Variants in RBFOX1 observed in about 807,000 individuals in gnomAD.
The protein encoded by RBFOX1 is RNA binding protein fox-1 homolog 1.
RBFOX1 carries 8 observed loss-of-function variants against 57.7 expected under a neutral mutation model. The ratio of observed to expected loss-of-function variants is 0.14; its 90% confidence interval spans 0.08 to 0.25. The LOEUF (loss-of-function observed/expected upper bound fraction) is 0.25. Ranked by LOEUF, RBFOX1 falls within the 10% of genes least tolerant of loss-of-function variation. RBFOX1 has a pLI of 1.00. For synonymous variants in RBFOX1, 326 were observed against 222.4 expected, an observed-to-expected ratio of 1.47 and a Z score of -4.15; for missense variants, 611 against 548.5, an observed-to-expected ratio of 1.11 and a Z score of -1.14.
intron 13 of RBFOX1, chr16:7,671,531 A>G: frequency 6.3e-7 from 1 of 1,586,248 alleles, no homozygotes; most frequent in South Asian, 1.1e-5. Context: ...TTGCATTGAA[A>G]ACATTACATT....
chr16:7,279,910 G>A (rs999678423), intron 4 of RBFOX1, among the ~76,000 whole-genome samples: 6 of 152,170 alleles, frequency 3.9e-5, no homozygotes, highest in South Asian at 2.1e-4. Flanking sequence ...TTATGGTCCT[G>A]ATCAGGTATG....
rs1371298895 is a variant in RBFOX1, at chr16:7,346,448, C to T, written c.28-171699C>T. On this transcript the variant is annotated intron_variant, in intron 4 of 15. Coordinates refer to ENST00000550418, the MANE Select transcript of RBFOX1 (RefSeq NM_018723.4). ...CCTTCCTGGGAATGGACACGACACG[C>T]GTTTGATAATGTCTCTGCTTTCTGG... 3.3e-5 allele frequency among the ~76,000 whole-genome samples: 5 copies of T among 152,096 alleles called. No homozygotes were observed. In the South Asian group the frequency reaches 6.2e-4, roughly 19 times the overall value.
At chr16:6,786,971 C>T (rs74007040) in intron 3 of RBFOX1, among the ~76,000 whole-genome samples, 22,400 of 152,004 alleles carry the variant, frequency 0.15, 2,287 homozygotes, top group African/African-American at 0.29. Context: ...CCATGTCTCC[C>T]TCTGCACAGG....
chr16:6,022,363 A>G (rs1384731938), intron 1 of RBFOX1, among the ~76,000 whole-genome samples: 1 of 152,070 alleles, frequency 6.6e-6, no homozygotes, highest in Non-Finnish European at 1.5e-5. Flanking sequence ...TGGGATTCAC[A>G]CATTGCAATT....
At chr16:6,963,348 G>A (rs190095507) in intron 3 of RBFOX1, among the ~76,000 whole-genome samples, 4 of 152,086 alleles carry the variant, frequency 2.6e-5, no homozygotes, top group Admixed American at 2.6e-4. Flanking sequence ...TGAGATAATG[G>A]GAATGAAATC....
intron 4 of RBFOX1, among the ~76,000 whole-genome samples, chr16:7,185,911 C>G (rs182305424): frequency 2.0e-5 from 3 of 152,176 alleles, no homozygotes; most frequent in Non-Finnish European, 4.4e-5. Flanking sequence ...TGATACAATT[C>G]CCACTGGTGA....
At chr16:7,102,724 T>G (rs1255649447) in intron 4 of RBFOX1, among the ~76,000 whole-genome samples, 1 of 152,200 alleles carries the variant, frequency 6.6e-6, no homozygotes, top group Non-Finnish European at 1.5e-5. Flanking sequence ...AAGTACAATT[T>G]ATAAAGTTTG....
At chr16:7,032,695 G>T (rs577816768) in intron 3 of RBFOX1, among the ~76,000 whole-genome samples, 2 of 151,972 alleles carry the variant, frequency 1.3e-5, no homozygotes, top group East Asian at 3.9e-4. Context: ...TGAACACATG[G>T]TTCATTTTCA....
intron 2 of RBFOX1, among the ~76,000 whole-genome samples, chr16:6,606,815 C>T (rs574471346): frequency 2.6e-5 from 4 of 152,282 alleles, no homozygotes; most frequent in East Asian, 1.9e-4. Flanking sequence ...CTGCAGTGAA[C>T]ATACGCGTGC....
At chr16:7,054,553 C>T (rs919862225) in intron 4 of RBFOX1, among the ~76,000 whole-genome samples, 1 of 100,994 alleles carries the variant, frequency 9.9e-6, no homozygotes, top group Non-Finnish European at 2.3e-5. Flanking sequence ...GGTGGGGGGG[C>T]ATTTTTTAAG....
At chr16:6,364,861 TG>T (rs1458997926) in intron 2 of RBFOX1, among the ~76,000 whole-genome samples, 1 of 152,038 alleles carries the variant, frequency 6.6e-6, no homozygotes, top group Non-Finnish European at 1.5e-5. Flanking sequence ...AATGTCAGAG[TG>T]GAGGAAATTC....
At chr16:5,859,782 A>T (rs539087766) in intron 3 of RBFOX1, among the ~76,000 whole-genome samples, 1 of 152,354 alleles carries the variant, frequency 6.6e-6, no homozygotes, top group South Asian at 2.1e-4. Flanking sequence ...GTCACTTGTC[A>T]TCATCTATGG....
chr16:6,043,706 C>T (rs2095466706), intron 1 of RBFOX1, among the ~76,000 whole-genome samples: 1 of 152,188 alleles, frequency 6.6e-6, no homozygotes. Flanking sequence ...GCCTTTCCTG[C>T]TCTTTTCCCA....
At chr16:7,146,154 G>A (rs570446377) in intron 4 of RBFOX1, among the ~76,000 whole-genome samples, 25 of 152,264 alleles carry the variant, frequency 1.6e-4, no homozygotes, top group South Asian at 1.0e-3. Context: ...GCACAGTGTC[G>A]TTTACCCCAG....
intron 14 of RBFOX1, among the ~76,000 whole-genome samples, chr16:7,686,253 A>G (rs929576303): frequency 1.3e-5 from 2 of 152,150 alleles, no homozygotes; most frequent in East Asian, 1.9e-4. Context: ...TTGACTAAAT[A>G]CATTTGTTTT....
At position 5,590,566 on chromosome 16, in the gene RBFOX1, C is replaced by T. The variant is rs150277526; in HGVS notation, c.259-8336C>T. On this transcript the variant is annotated intron_variant, in intron 2 of 2. Coordinates refer to the RBFOX1 transcript ENST00000585867. Reference sequence around the variant, plus strand: ...TGCTCTTGGCTGCCGTACTGTGATTCGGGGCGTGATGGAGGAATGGGGTGG... The same window carrying T: ...TGCTCTTGGCTGCCGTACTGTGATTTGGGGCGTGATGGAGGAATGGGGTGG... 5.1e-3 allele frequency among the ~76,000 whole-genome samples: 773 copies of T among 152,156 alleles called. 6 individuals are homozygous for T. Among genetic ancestry groups the T allele is most frequent in the Middle Eastern group, 0.01 (3 of 294 alleles).
chr16:7,384,079 T>A (rs978956741), intron 4 of RBFOX1, among the ~76,000 whole-genome samples: 1 of 151,060 alleles, frequency 6.6e-6, no homozygotes, highest in East Asian at 1.9e-4. Context: ...GTATCCCAAG[T>A]ATGAGAAACA....
intron 1 of RBFOX1, among the ~76,000 whole-genome samples, chr16:6,256,640 CT>C (rs1173738957): frequency 6.6e-6 from 1 of 152,136 alleles, no homozygotes; most frequent in Non-Finnish European, 1.5e-5. Flanking sequence ...ACCACTGACA[CT>C]TTAGCCAGAA....
Position 7,291,813 on chromosome 16 carries a change from C to A in RBFOX1, c.28-226334C>A, listed in dbSNP as rs376023107. Among the ~76,000 whole-genome samples, 17 of 150,784 alleles carry A rather than the reference C, an allele frequency of 1.1e-4. No homozygotes were observed. The East Asian group carries it at 2.5e-3, about 22-fold the overall frequency. ...GCAAAGAGTCTGATGCAATGGCTTT[C>A]AATCATTACTGCAAATCCTTCACAA... On this transcript the variant is annotated intron_variant, in intron 4 of 15. Coordinates refer to ENST00000550418, the MANE Select transcript of RBFOX1 (RefSeq NM_018723.4).
Sources: allele counts gnomAD v4.1 joint callset (sites outside exome capture counted in the v4.1 genomes callset), GRCh38; gene constraint gnomAD v4.1.1; transcripts MANE v1.5; gene names NCBI Gene and HGNC (gene_info 2026-07-23, HGNC 2026-07-21).